Variants in CSMD2 observed in about 807,000 individuals in gnomAD.
CSMD2 encodes CUB and sushi domain-containing protein 2.
Under a neutral mutation model 398.5 loss-of-function variants are expected in CSMD2, and 130 were observed. The ratio of observed to expected loss-of-function variants is 0.33; its 90% CI spans 0.28 to 0.38. The LOEUF (loss-of-function observed/expected upper bound fraction) is 0.38, where lower values mean the gene tolerates loss of function less well. Ranked by LOEUF, CSMD2 falls within the 10% of genes least tolerant of loss-of-function variation. The probability of loss-of-function intolerance (pLI) is 1.00; values close to 1 mark genes in which losing one functional copy is unlikely to be tolerated. For missense variants in CSMD2, 3,829 were observed against 4,764.9 expected, an observed-to-expected ratio of 0.80 and a Z score of 5.78; for synonymous variants, 1,828 against 1,908.5, an observed-to-expected ratio of 0.96 and a Z score of 1.10.
intron 47 of CSMD2, 148 bp from the exon 48 acceptor site, chr1:33,581,047 A>G (rs569159100): frequency 3.3e-5 from 24 of 721,624 alleles, no homozygotes; most frequent in African/African-American, 2.9e-4. Context: ...ATCCACAGGC[A>G]TTGCTCAAGG....
chr1:34,085,399 T>TAATAATAATA (rs1553309420), intron 2 of CSMD2, among the ~76,000 whole-genome samples: 1 of 150,360 alleles, frequency 6.7e-6, no homozygotes, highest in African/African-American at 2.4e-5. Context: ...ATAATAATAA[T>TAATAATAATA]AATAAATAAA....
intron 12 of CSMD2, among the ~76,000 whole-genome samples, chr1:33,783,719 G>A (rs113181961): frequency 0.019 from 2,896 of 152,254 alleles, 83 homozygotes; most frequent in African/African-American, 0.066. Flanking sequence ...CAGTGTTAGT[G>A]TAGGAAAGAT....
chr1:33,831,408 A>G (rs1309136120), intron 6 of CSMD2, among the ~76,000 whole-genome samples: 1 of 152,228 alleles, frequency 6.6e-6, no homozygotes, highest in East Asian at 1.9e-4. Context: ...ATCCAGCCAA[A>G]CTAAGCTTCA....
intron 5 of CSMD2, among the ~76,000 whole-genome samples, chr1:33,905,468 G>A (rs1293257085): frequency 3.9e-5 from 6 of 152,170 alleles, no homozygotes; most frequent in Non-Finnish European, 7.3e-5. Context: ...ATGGAGAAAC[G>A]ACACTGGAAT....
chr1:33,821,309 G>C (rs1244013441), intron 7 of CSMD2, among the ~76,000 whole-genome samples: 1 of 152,204 alleles, frequency 6.6e-6, no homozygotes, highest in Non-Finnish European at 1.5e-5. Context: ...TGGTCAGGGG[G>C]CAGCGGATAC....
chr1:33,861,700 G>A (rs1639523641), intron 5 of CSMD2, among the ~76,000 whole-genome samples: 1 of 152,152 alleles, frequency 6.6e-6, no homozygotes, highest in Admixed American at 6.5e-5. Flanking sequence ...AATGATTGGT[G>A]AGGGCAGAGT....
At chr1:34,145,445 T>C (rs949872470) in intron 1 of CSMD2, among the ~76,000 whole-genome samples, 1 of 152,214 alleles carries the variant, frequency 6.6e-6, no homozygotes, top group African/African-American at 2.4e-5. Flanking sequence ...TGGCTCTGAA[T>C]GCAGCTGAGA....
At chr1:33,948,244 G>A (rs1644898040) in intron 3 of CSMD2, among the ~76,000 whole-genome samples, 1 of 152,190 alleles carries the variant, frequency 6.6e-6, no homozygotes, top group East Asian at 1.9e-4. Flanking sequence ...ACCCTGTGCA[G>A]GGGGAAGCCA....
At chr1:34,048,694 A>G (rs2148215016) in intron 2 of CSMD2, among the ~76,000 whole-genome samples, 1 of 152,286 alleles carries the variant, frequency 6.6e-6, no homozygotes, top group East Asian at 1.9e-4. Context: ...GGTTTTGAGC[A>G]CCGCACCTGG....
chr1:33,854,473 C>G (rs999628405), intron 5 of CSMD2, among the ~76,000 whole-genome samples: 1 of 152,198 alleles, frequency 6.6e-6, no homozygotes, highest in Admixed American at 6.5e-5. Flanking sequence ...TCCAGTGCCA[C>G]GCGGGCTTCA....
chr1:34,009,466 G>A (rs1162757295), intron 3 of CSMD2, among the ~76,000 whole-genome samples: 1 of 151,896 alleles, frequency 6.6e-6, no homozygotes, highest in African/African-American at 2.4e-5. Context: ...CCTTTACCCT[G>A]CTGACACCAC....
intron 10 of CSMD2, among the ~76,000 whole-genome samples, chr1:33,800,237 C>A (rs545944598): frequency 3.9e-5 from 6 of 152,320 alleles, no homozygotes; most frequent in Non-Finnish European, 7.3e-5. Context: ...AACCATGATT[C>A]CCTCCAGGGT....
intron 1 of CSMD2, among the ~76,000 whole-genome samples, chr1:34,105,047 T>C (rs1455305184): frequency 6.6e-6 from 1 of 152,162 alleles, no homozygotes; most frequent in East Asian, 1.9e-4. Context: ...TACTCTTCGC[T>C]CTCCGCTACC....
At chr1:34,074,747 CGT>C (rs397863745) in intron 2 of CSMD2, among the ~76,000 whole-genome samples, 1,753 of 150,240 alleles carry the variant, frequency 0.012, 20 homozygotes, top group African/African-American at 0.025. Context: ...CACACACACG[CGT>C]GTGTAAAACC....
intron 12 of CSMD2, among the ~76,000 whole-genome samples, chr1:33,781,146 C>T (rs747078395): frequency 8.5e-5 from 13 of 152,224 alleles, no homozygotes; most frequent in Admixed American, 2.0e-4. Context: ...GCCCTCTTCT[C>T]CCCAACTTGC....
intron 9 of CSMD2, among the ~76,000 whole-genome samples, chr1:33,817,861 C>A (rs1196264345): frequency 6.6e-6 from 1 of 152,218 alleles, no homozygotes; most frequent in Non-Finnish European, 1.5e-5. Flanking sequence ...TGTTGTTTTA[C>A]AGTAGCAGGT....
intron 1 of CSMD2, among the ~76,000 whole-genome samples, chr1:34,092,854 C>T (rs1192080367): frequency 6.6e-6 from 1 of 152,316 alleles, no homozygotes; most frequent in Non-Finnish European, 1.5e-5. Context: ...ATTGCCCAGG[C>T]TTGCTTAGGT....
At chr1:33,563,934 C>A (rs1472100228) in intron 53 of CSMD2, among the ~76,000 whole-genome samples, 1 of 152,086 alleles carries the variant, frequency 6.6e-6, no homozygotes, top group African/African-American at 2.4e-5. Context: ...TAAACACTTA[C>A]AAATATTTGT....
intron 3 of CSMD2, among the ~76,000 whole-genome samples, chr1:33,940,632 G>A (rs551432517): frequency 1.2e-4 from 19 of 152,134 alleles, no homozygotes; most frequent in Admixed American, 2.0e-4. Flanking sequence ...GCAGAGCTAG[G>A]TTGAGGACCT....
Sources: gnomAD v4.1 joint callset for allele counts (sites outside exome capture counted in the v4.1 genomes callset) on GRCh38, gnomAD v4.1.1 for gene constraint, MANE v1.5 for transcripts, NCBI Gene and HGNC (gene_info 2026-07-23, HGNC 2026-07-21) for gene names.